GREB1: variants seen among roughly 807,000 people sequenced by gnomAD.
GREB1 encodes protein GREB1.
A neutral mutation model predicts 200.7 loss-of-function variants in GREB1; 106 were observed. The observed-to-expected ratio is 0.53, with a 90% CI of 0.45 to 0.62. GREB1 has a LOEUF of 0.62. Ranked by LOEUF, GREB1 falls within the 20% of genes least tolerant of loss-of-function variation. The probability of loss-of-function intolerance (pLI) is 0.00; values close to 1 mark genes in which losing one functional copy is unlikely to be tolerated. For synonymous variants in GREB1, 1,132 were observed against 1,092.4 expected, an observed-to-expected ratio of 1.04 and a Z score of -0.72; for missense variants, 2,243 against 2,556.8, an observed-to-expected ratio of 0.88 and a Z score of 2.65.
chr2:11,579,844 T>G (rs1679281400), intron 6 of GREB1, among the ~76,000 whole-genome samples: 1 of 152,190 alleles, frequency 6.6e-6, no homozygotes, highest in Non-Finnish European at 1.5e-5. Context: ...CTGGGCCCTA[T>G]GAACAGCCTG....
At chr2:11,533,342 AAATACTCT>A (rs1438500904), upstream of GREB1, among the ~76,000 whole-genome samples, 1 of 152,192 alleles carries the variant, frequency 6.6e-6, no homozygotes, top group African/African-American at 2.4e-5. Context: ...CCACAGTACT[AAATACTCT>A]ACTACATTAT....
chr2:11,506,283 A>G (rs1053040227), intron 1 of GREB1, among the ~76,000 whole-genome samples: 1 of 152,238 alleles, frequency 6.6e-6, no homozygotes, highest in African/African-American at 2.4e-5. Context: ...GTAATGTGCC[A>G]ACAGGTAGTT....
At chr2:11,539,374 T>C (rs533238339) in intron 1 of GREB1, among the ~76,000 whole-genome samples, 27 of 152,244 alleles carry the variant, frequency 1.8e-4, no homozygotes, top group Middle Eastern at 3.4e-3. Context: ...TTCTTGAAGA[T>C]TTCCTGGGCC....
intron 1 of GREB1, among the ~76,000 whole-genome samples, chr2:11,501,401 TG>T (rs1279866249): frequency 6.6e-6 from 1 of 152,188 alleles, no homozygotes; most frequent in Admixed American, 6.5e-5. Context: ...CAGAAGGTGC[TG>T]CGTTTTTTTG....
At chr2:11,518,394 A>G (rs187327129) in intron 1 of GREB1, among the ~76,000 whole-genome samples, 17 of 152,098 alleles carry the variant, frequency 1.1e-4, no homozygotes, top group Non-Finnish European at 2.1e-4. Context: ...AAAAGTTGCT[A>G]TTTTTCTCTC....
chr2:11,588,259 G>A, intron 9 of GREB1: 1 of 1,031,072 alleles, frequency 9.7e-7, no homozygotes, highest in Non-Finnish European at 1.2e-6. Context: ...CAGTCTTCTG[G>A]TCTCTGTGGT....
chr2:11,521,455 A>T (rs903842328), intron 1 of GREB1, among the ~76,000 whole-genome samples: 24 of 152,176 alleles, frequency 1.6e-4, no homozygotes, highest in African/African-American at 2.7e-4. Context: ...CAAGGATATT[A>T]AAAAAATTGG....
chr2:11,588,565 C>T, intron 9 of GREB1, 181 bp from the exon 10 acceptor site: 2 of 680,082 alleles, frequency 2.9e-6, no homozygotes, highest in East Asian at 5.4e-5. Flanking sequence ...TCCTCTCATC[C>T]TAGGCTCCAG....
At chr2:11,619,301 T>C (rs1396738717) in intron 22 of GREB1, among the ~76,000 whole-genome samples, 1 of 152,154 alleles carries the variant, frequency 6.6e-6, no homozygotes. Context: ...GGGTTCTGTT[T>C]CCCTGTCTCA....
chr2:11,562,409 G>T (rs985123131), intron 2 of GREB1, 54 bp from the exon 3 acceptor site: 6 of 1,603,210 alleles, frequency 3.7e-6, no homozygotes, highest in South Asian at 1.1e-5. Flanking sequence ...CCTGGGGGAA[G>T]CTCTGAGGCC....
Position 11,629,996 on chromosome 2 carries a change from G to A in GREB1, c.4498G>A (p.Gly1500Arg). The change falls in exon 26 of 33, where the codon GGA becomes AGA. Residue 1500 changes from glycine (G) to arginine (R), a missense_variant. Physicochemically the swap from Gly to Arg is moderately radical, Grantham distance 125. Around this residue, in one of 3 missense-constraint regions of GREB1, gnomAD observed 478 missense variants for 616.3 expected, o/e 0.78. Transcript: ENST00000381486. The surrounding 1 kb of genome is among the most constrained non-coding windows in gnomAD (Gnocchi z 5.2). Reference protein sequence around the residue: ...HAFAFSYSMLGEEIQLHFIIP... With the variant: ...HAFAFSYSMLREEIQLHFIIP... ...CTTTGCCTTCTCTTACTCCATGCTAGGAGAGGAGATCCAGCTGCACTTCAT... is the reference window on the plus strand; with the variant it reads ...CTTTGCCTTCTCTTACTCCATGCTAAGAGAGGAGATCCAGCTGCACTTCAT... 1 of 1,614,182 alleles carries A rather than the reference G, an allele frequency of 6.2e-7. No homozygotes were observed. Among genetic ancestry groups the A allele is most frequent in the Non-Finnish European group, 8.5e-7 (1 of 1,180,004 alleles).
chr2:11,543,561 GC>G (rs1289724128), intron 1 of GREB1, among the ~76,000 whole-genome samples: 1 of 152,182 alleles, frequency 6.6e-6, no homozygotes, highest in African/African-American at 2.4e-5. Flanking sequence ...CATGAATCAA[GC>G]CCCTGGTGGT....
At chr2:11,532,314 G>A (rs1674103238), upstream of GREB1, among the ~76,000 whole-genome samples, 1 of 152,084 alleles carries the variant, frequency 6.6e-6, no homozygotes, top group Non-Finnish European at 1.5e-5. Context: ...TTGGAGCGAG[G>A]GAGGTTCATG....
At chr2:11,552,013 C>G (rs571645318) in intron 1 of GREB1, among the ~76,000 whole-genome samples, 5 of 152,366 alleles carry the variant, frequency 3.3e-5, no homozygotes, top group African/African-American at 9.6e-5. Flanking sequence ...TACTCCGTCT[C>G]TCTTACTGTC....
At chr2:11,509,225 C>T (rs1033600526) in intron 1 of GREB1, among the ~76,000 whole-genome samples, 7 of 152,130 alleles carry the variant, frequency 4.6e-5, no homozygotes, top group Non-Finnish European at 1.0e-4. Context: ...TGTGCAGGAC[C>T]ATATTCACTT....
chr2:11,590,898 T>A (rs1478753600), intron 10 of GREB1, among the ~76,000 whole-genome samples: 1 of 152,170 alleles, frequency 6.6e-6, no homozygotes, highest in Non-Finnish European at 1.5e-5. Context: ...GCTGATCAAC[T>A]GTGCCAGTGT....
intron 1 of GREB1, among the ~76,000 whole-genome samples, chr2:11,483,010 G>A (rs1260214923): frequency 6.6e-6 from 1 of 151,478 alleles, no homozygotes; most frequent in African/African-American, 2.4e-5. Flanking sequence ...GGGGGCGCGG[G>A]GCTGTGCGGG....
rs1685073701 is a variant in GREB1 at position 11,633,640 on chromosome 2, A to C, written c.4992-491A>C. 6.6e-6 allele frequency among the ~76,000 whole-genome samples: 1 copy of C among 152,188 alleles called. No individual in the cohort carries two copies. The highest frequency in any genetic ancestry group is 1.9e-4 in the East Asian group (1 of 5,200). ...TCACACTATCCATTTAGTATAATAT[A>C]TAGACAAAAAAGAAAGTATAATACA... On this transcript the variant is annotated intron_variant, in intron 28 of 32. Coordinates refer to ENST00000381486, the MANE Select transcript of GREB1 (RefSeq NM_014668.4). The surrounding 1 kb of genome is among the most constrained non-coding windows in gnomAD (Gnocchi z 4.1).
At chr2:11,595,599 T>A (rs1681138871) in intron 12 of GREB1, among the ~76,000 whole-genome samples, 1 of 152,042 alleles carries the variant, frequency 6.6e-6, no homozygotes, top group South Asian at 2.1e-4. Flanking sequence ...GCTGTAGAGT[T>A]CTCCTGAGAG....
Sources: gnomAD v4.1 joint callset for allele counts (sites outside exome capture counted in the v4.1 genomes callset) on GRCh38, gnomAD v4.1.1 for gene constraint, gnomAD v4.1.1 regional missense constraint, Gnocchi (gnomAD v3.1) non-coding constraint, MANE v1.5 for transcripts, NCBI Gene and HGNC (gene_info 2026-07-23, HGNC 2026-07-21) for gene names.